Variants in WDR89 observed in about 807,000 individuals in gnomAD.
WDR89 encodes the protein WD repeat domain 89, also known as WD repeat-containing protein 89.
WDR89 carries 17 observed loss-of-function variants against 29.1 expected under a neutral mutation model. That is an observed-to-expected ratio of 0.58 (90% CI 0.40 to 0.88). The LOEUF (loss-of-function observed/expected upper bound fraction) is 0.88. WDR89 is among the 40% of genes least tolerant of loss of function. The probability of loss-of-function intolerance (pLI) is 0.00; values close to 1 mark genes in which losing one functional copy is unlikely to be tolerated. For synonymous variants in WDR89, 138 were observed against 157.8 expected (o/e 0.87, Z 0.94); for missense variants, 396 against 456.3 (o/e 0.87, Z 1.20).
intron 1 of WDR89, among the ~76,000 whole-genome samples, chr14:63,627,846 G>C (rs1255354464): frequency 6.6e-6 from 1 of 152,100 alleles, no homozygotes; most frequent in East Asian, 1.9e-4. Context: ...CCAGCTACCA[G>C]AAAGGTGAGG....
intron 1 of WDR89, among the ~76,000 whole-genome samples, chr14:63,632,392 A>G (rs901762626): frequency 2.8e-4 from 43 of 152,074 alleles, no homozygotes; most frequent in African/African-American, 1.0e-3. Context: ...GCACCTTGGG[A>G]GGCTGAGGTG....
At chr14:63,628,957 A>G (rs1883235858) in intron 1 of WDR89, among the ~76,000 whole-genome samples, 1 of 151,854 alleles carries the variant, frequency 6.6e-6, no homozygotes, top group Non-Finnish European at 1.5e-5. Flanking sequence ...AACAAAAAAC[A>G]AAAAACGATG....
At position 63,627,535 on chromosome 14, in the gene WDR89, C is replaced by G. The variant is rs1883149900; in HGVS notation, c.-137-2502G>C. 3.3e-5 allele frequency among the ~76,000 whole-genome samples: 5 copies of G among 152,100 alleles called. No individual in the cohort carries two copies. In the South Asian group the frequency reaches 1.0e-3, roughly 31 times the overall value. Reference sequence around the variant, plus strand: ...TGAATCCATCATTATATAACTGTTTCACCACCCTAAAAATCCTGTGTTCTG... The same window carrying G: ...TGAATCCATCATTATATAACTGTTTGACCACCCTAAAAATCCTGTGTTCTG... On this transcript the variant is annotated intron_variant, in intron 1 of 2. Transcript: ENST00000620954.
intron 2 of WDR89, among the ~76,000 whole-genome samples, chr14:63,609,745 G>A (rs564349236): frequency 1.6e-4 from 24 of 151,938 alleles, no homozygotes; most frequent in Admixed American, 3.9e-4. Flanking sequence ...AGCCAAGATC[G>A]CGCCACTGCA....
chr14:63,610,847 A>G (rs1363306681), intron 2 of WDR89, among the ~76,000 whole-genome samples: 1 of 151,546 alleles, frequency 6.6e-6, no homozygotes, highest in African/African-American at 2.4e-5. Flanking sequence ...GATTACAGGT[A>G]TGCACCACCA....
At position 63,599,021 on chromosome 14, in the gene WDR89, A is replaced by T; in HGVS notation, c.922T>A (p.Ser308Thr). Residue 308 changes from serine to threonine, a missense_variant, in exon 3 of 3, where the codon TCA (serine) becomes ACA (threonine). Transcript: ENST00000620954. Reference protein sequence around the residue: ...GRIHLMNCSMSGLTHVTSLQG... With the variant: ...GRIHLMNCSMTGLTHVTSLQG... ...AGGCTAGTCACATGGGTCAGTCCTG[A>T]CATGCTGCAGTTCATCAAATGAATC... The T allele has an allele frequency of 6.2e-7, 1 of 1,614,228 alleles. No individual in the cohort carries two copies.
intron 1 of WDR89, among the ~76,000 whole-genome samples, chr14:63,635,287 A>C (rs2139576959): frequency 6.6e-6 from 1 of 152,354 alleles, no homozygotes; most frequent in Middle Eastern, 3.4e-3. Context: ...TCCATGATCA[A>C]GTAGGTTTCA....
rs528547084 is a variant in WDR89, at chr14:63,610,433, T to TA, written c.-31-10461dup. ...CCTCCCCTTGAATGTAGGCTGGACT[T>TA]AGTTACCCGCATCCAAAGAATAGAG... On this transcript the variant is annotated intron_variant, in intron 2 of 2. Transcript: ENST00000620954. Among the ~76,000 whole-genome samples, 236 of 152,074 alleles carry TA rather than the reference T, an allele frequency of 1.6e-3. 1 individual carries two copies. The highest frequency in any genetic ancestry group is 2.7e-3 in the Non-Finnish European group (185 of 67,990).
At chr14:63,603,284 A>C (rs549357700) in intron 2 of WDR89, among the ~76,000 whole-genome samples, 65 of 151,584 alleles carry the variant, frequency 4.3e-4, no homozygotes, top group African/African-American at 1.2e-3. Context: ...ACACACACAC[A>C]CCCCACTGCT....
intron 2 of WDR89, among the ~76,000 whole-genome samples, chr14:63,605,544 C>G (rs576597965): frequency 6.6e-6 from 1 of 152,176 alleles, no homozygotes; most frequent in African/African-American, 2.4e-5. Context: ...ACTGCGACCT[C>G]TGCCTCCCGG....
rs1248111608 is a variant in WDR89, at chr14:63,624,960, A to C, written c.-64T>G. 1.3e-5 allele frequency: 2 copies of C among 152,224 alleles called. No individual in the cohort carries two copies. The highest frequency in any genetic ancestry group is 2.4e-5 in the African/African-American group (1 of 41,468). 9.4% of individuals were successfully genotyped at this position (152,224 alleles called of 1,614,324 possible). A position where few individuals can be genotyped will look rare whatever the true frequency, so the allele number is the denominator to read the frequency against. ...GCCCACTTTTAGGTATTTACTCAAG[A>C]GAAATGACAACTTATGTCCGTACAA... On this transcript the variant is annotated 5_prime_UTR_variant, in exon 2 of 3. Coordinates refer to ENST00000620954, the MANE Select transcript of WDR89 (RefSeq NM_080666.4).
In WDR89 at chr14:63,597,365, C is replaced by T. The variant is rs548082649; in HGVS notation, c.*1414G>A. 3.9e-5 allele frequency: 6 copies of T among 152,330 alleles called. No individual in the cohort carries two copies. In the South Asian group the frequency reaches 1.2e-3, roughly 32 times the overall value. 9.4% of individuals were successfully genotyped at this position (152,330 alleles called of 1,614,324 possible). On this transcript the variant is annotated 3_prime_UTR_variant, in exon 3 of 3. Transcript: ENST00000620954. Reference sequence around the variant, plus strand: ...TGGGTGAGGACACAGACAAACCATACCAGCCATTTATGTTATTTCTAATAA... The same window carrying T: ...TGGGTGAGGACACAGACAAACCATATCAGCCATTTATGTTATTTCTAATAA...
intron 2 of WDR89, chr14:63,601,649 T>C: frequency 1.2e-6 from 2 of 1,613,372 alleles, no homozygotes; most frequent in East Asian, 2.2e-5. Context: ...CAGTAGTCGC[T>C]GTTGGATCGG....
chr14:63,608,464 T>A (rs1446510695), intron 2 of WDR89, among the ~76,000 whole-genome samples: 1 of 152,206 alleles, frequency 6.6e-6, no homozygotes, highest in East Asian at 1.9e-4. Context: ...TATTTTTGAA[T>A]ATACAACATA....
intron 2 of WDR89, among the ~76,000 whole-genome samples, chr14:63,610,487 T>G (rs1881893795): frequency 6.6e-6 from 1 of 151,942 alleles, no homozygotes; most frequent in African/African-American, 2.4e-5. Flanking sequence ...AGGTAAAAGA[T>G]AGTAACCTAA....
chr14:63,627,150 ACTCTCTCTCTCTCTCTCT>A (rs35230660), intron 1 of WDR89, among the ~76,000 whole-genome samples: 2 of 127,188 alleles, frequency 1.6e-5, no homozygotes, highest in Non-Finnish European at 3.3e-5. Context: ...ACACACACAC[ACTCTCTCTCTCTCTCTCT>A]CTCTCTCTCT....
chr14:63,600,717 CAAAAAAAAAAAAAAAAAAA>C (rs56059698), intron 2 of WDR89, among the ~76,000 whole-genome samples: 88 of 36,208 alleles, frequency 2.4e-3, no homozygotes, highest in South Asian at 0.013. Flanking sequence ...GATATGTAGG[CAAAAAAAAAAAAAAAAAAA>C]AAAAAAAAAA....
chr14:63,613,755 C>A (rs1343180018), intron 2 of WDR89, among the ~76,000 whole-genome samples: 1 of 151,746 alleles, frequency 6.6e-6, no homozygotes, highest in Non-Finnish European at 1.5e-5. Context: ...CCACCTTGGC[C>A]TCCCAAAGTG....
Position 63,599,292 on chromosome 14 carries a change from T to C in WDR89, c.651A>G (p.Ser217=). 1 of 1,613,888 alleles carries C rather than the reference T, an allele frequency of 6.2e-7. No homozygotes were observed. Among genetic ancestry groups the C allele is most frequent in the Non-Finnish European group, 8.5e-7 (1 of 1,179,878 alleles). The change falls in exon 3 of 3, where the codon TCA becomes TCG. Residue 217 remains serine (S), a synonymous_variant. Coordinates refer to ENST00000620954, the MANE Select transcript of WDR89 (RefSeq NM_080666.4). ...DALVTTCNSI[S]SVSCIGWSGK... The stretch of plus-strand genomic sequence containing the variant: ...CAGACCAACCAATACAGCTTACTGA[T>C]GAAATTGAGTTACAGGTTGTAACCA...
Sources: allele counts gnomAD v4.1 joint callset (sites outside exome capture counted in the v4.1 genomes callset), GRCh38; gene constraint gnomAD v4.1.1; transcripts MANE v1.5; gene names NCBI Gene and HGNC (gene_info 2026-07-23, HGNC 2026-07-21).